Variants in LARGE1 observed in about 807,000 individuals in gnomAD.
LARGE1 encodes the protein xylosyl- and glucuronyltransferase LARGE1.
Under a neutral mutation model 87.6 loss-of-function variants are expected in LARGE1, and 43 were observed. That is an observed-to-expected ratio of 0.49 (90% CI 0.38 to 0.63). The LOEUF (loss-of-function observed/expected upper bound fraction) is 0.63. Ranked by LOEUF, LARGE1 falls within the 30% of genes least tolerant of loss-of-function variation. The pLI, the probability that LARGE1 is intolerant of heterozygous loss-of-function variation, is 0.00. For missense variants in LARGE1, 802 were observed against 1,000.2 expected (o/e 0.80, Z 2.67); for synonymous variants, 434 against 394.6 (o/e 1.10, Z -1.18).
the LARGE1 span, among the ~76,000 whole-genome samples, chr22:33,091,519 C>T: frequency 6.6e-6 from 1 of 151,714 alleles, no homozygotes; most frequent in Admixed American, 6.6e-5. Context: ...GAGATCGCGC[C>T]ACTGCTCTCC....
At chr22:33,427,266 C>T (rs1376924727) in intron 7 of LARGE1, among the ~76,000 whole-genome samples, 1 of 152,206 alleles carries the variant, frequency 6.6e-6, no homozygotes, top group East Asian at 1.9e-4. Context: ...CCTGTAATTT[C>T]ACCCGAACAG....
At chr22:33,336,185 A>T (rs894656647) in intron 10 of LARGE1, among the ~76,000 whole-genome samples, 2 of 152,248 alleles carry the variant, frequency 1.3e-5, no homozygotes, top group Admixed American at 1.3e-4. Context: ...CTGTCAAAAC[A>T]TCCCATGTAA....
chr22:33,304,988 G>A (rs565653926), intron 11 of LARGE1, among the ~76,000 whole-genome samples: 260 of 152,270 alleles, frequency 1.7e-3, no homozygotes, highest in African/African-American at 6.0e-3. Flanking sequence ...TTACAGATGT[G>A]CTGCAGTGTG....
chr22:33,527,997 A>T (rs1008103849), intron 6 of LARGE1, among the ~76,000 whole-genome samples: 1 of 152,144 alleles, frequency 6.6e-6, no homozygotes, highest in African/African-American at 2.4e-5. Flanking sequence ...CAGAATATTA[A>T]TATTGATCTC....
At chr22:33,876,190 G>A (rs1217350846) in intron 1 of LARGE1, among the ~76,000 whole-genome samples, 1 of 152,138 alleles carries the variant, frequency 6.6e-6, no homozygotes, top group Non-Finnish European at 1.5e-5. Flanking sequence ...ATGAACACGG[G>A]AACCAGGTTA....
intron 10 of LARGE1, among the ~76,000 whole-genome samples, chr22:33,322,344 ATT>A (rs1936820340): frequency 6.6e-6 from 1 of 152,182 alleles, no homozygotes; most frequent in Admixed American, 6.5e-5. Context: ...TCACAGATGA[ATT>A]TTATTGGCTT....
At chr22:33,538,542 G>C (rs1236332117) in intron 6 of LARGE1, among the ~76,000 whole-genome samples, 1 of 152,156 alleles carries the variant, frequency 6.6e-6, no homozygotes, top group Non-Finnish European at 1.5e-5. Context: ...CGAAAATGGA[G>C]CCACATTTTT....
At chr22:33,500,021 G>A (rs1307103752) in intron 6 of LARGE1, among the ~76,000 whole-genome samples, 1 of 152,144 alleles carries the variant, frequency 6.6e-6, no homozygotes, top group Non-Finnish European at 1.5e-5. Flanking sequence ...TGATCTGCCT[G>A]CCTCGGCCTC....
intron 6 of LARGE1, among the ~76,000 whole-genome samples, chr22:33,536,960 C>T (rs1390208426): frequency 2.6e-5 from 4 of 152,168 alleles, no homozygotes; most frequent in Non-Finnish European, 2.9e-5. Flanking sequence ...TACAGGCATG[C>T]GCCACCACGC....
upstream of LARGE1, chr22:33,920,485 C>G (rs1202785387): frequency 1.4e-5 from 2 of 145,590 alleles, no homozygotes; most frequent in Non-Finnish European, 3.1e-5. Flanking sequence ...CTGGCCGGGC[C>G]GGGCGCCGAA....
intron 7 of LARGE1, among the ~76,000 whole-genome samples, chr22:33,429,823 G>T (rs576767697): frequency 6.6e-6 from 1 of 152,270 alleles, no homozygotes; most frequent in East Asian, 1.9e-4. Flanking sequence ...CTAGTCGTTT[G>T]CCAGAGGAAA....
At chr22:33,365,610 TTCTC>T (rs1249032939) in intron 9 of LARGE1, among the ~76,000 whole-genome samples, 8 of 151,344 alleles carry the variant, frequency 5.3e-5, no homozygotes, top group Admixed American at 2.0e-4. Flanking sequence ...TCTTTTGCTT[TTCTC>T]TCTTTTTTTT....
chr22:33,572,178 C>A, intron 5 of LARGE1: 1 of 1,285,082 alleles, frequency 7.8e-7, no homozygotes, highest in Non-Finnish European at 1.0e-6. Flanking sequence ...TTACAAATCA[C>A]CTTGACATAT....
intron 11 of LARGE1, among the ~76,000 whole-genome samples, chr22:33,224,511 A>G (rs1001989211): frequency 5.9e-5 from 9 of 152,210 alleles, no homozygotes; most frequent in African/African-American, 2.2e-4. Flanking sequence ...GAGAAGCTCT[A>G]TATTCTAAGA....
intron 6 of LARGE1, among the ~76,000 whole-genome samples, chr22:33,472,125 T>G (rs2068868258): frequency 6.6e-6 from 1 of 152,162 alleles, no homozygotes; most frequent in Admixed American, 6.5e-5. Flanking sequence ...CAGTTACAGC[T>G]GGAGCTGAGC....
chr22:33,497,075 T>C (rs1031635892), intron 6 of LARGE1, among the ~76,000 whole-genome samples: 32 of 150,588 alleles, frequency 2.1e-4, no homozygotes, highest in Middle Eastern at 3.4e-3. Context: ...TCTTTTCTTT[T>C]TTTTTTTTTT....
intron 6 of LARGE1, among the ~76,000 whole-genome samples, chr22:33,539,745 A>C (rs2077140840): frequency 1.5e-5 from 1 of 66,624 alleles, no homozygotes; most frequent in Admixed American, 1.8e-4. Flanking sequence ...CACCTGGCTA[A>C]TTTTTGTATT....
intron 2 of LARGE1, among the ~76,000 whole-genome samples, chr22:33,702,098 CA>C (rs1426428248): frequency 6.6e-6 from 1 of 152,180 alleles, no homozygotes; most frequent in Admixed American, 6.5e-5. Context: ...AGAGTTGTTC[CA>C]AAAAGTCAAG....
At chr22:33,198,210 G>A (rs75214285) in intron 11 of LARGE1, among the ~76,000 whole-genome samples, 4,594 of 152,184 alleles carry the variant, frequency 0.03, 97 homozygotes, top group Admixed American at 0.057. Flanking sequence ...CAAGTACAAC[G>A]TATTAAGAGA....
Sources: allele counts gnomAD v4.1 joint callset (sites outside exome capture counted in the v4.1 genomes callset), GRCh38; gene constraint gnomAD v4.1.1; transcripts MANE v1.5; gene names NCBI Gene and HGNC (gene_info 2026-07-23, HGNC 2026-07-21).